Variants in PHACTR2 observed in about 807,000 individuals in gnomAD.
PHACTR2 encodes the protein phosphatase and actin regulator 2.
In PHACTR2, 30 loss-of-function variants were observed where a neutral mutation model predicts 76.0. That is an observed-to-expected ratio of 0.39 (90% CI 0.30 to 0.54). The LOEUF is 0.54. Among genes scored for constraint, PHACTR2 ranks in the 20% least tolerant of loss-of-function variants. The pLI is 0.61. For missense variants in PHACTR2, 696 were observed against 781.1 expected (o/e 0.89, Z 1.30); for synonymous variants, 292 against 292.5 (o/e 1.00, Z 0.02).
chr6:143,649,812 T>C (rs1490513142), intron 1 of PHACTR2, among the ~76,000 whole-genome samples: 1 of 152,182 alleles, frequency 6.6e-6, no homozygotes, highest in African/African-American at 2.4e-5. Context: ...TCACCACTCC[T>C]ATTCAACACA....
Position 143,611,290 on chromosome 6 carries a change from C to A in PHACTR2, c.13+2968C>A, listed in dbSNP as rs1775970819. Among the ~76,000 whole-genome samples the A allele has an allele frequency of 6.6e-6, 1 of 152,288 alleles. No individual in the cohort carries two copies. The highest frequency in any genetic ancestry group is 2.1e-4 in the South Asian group (1 of 4,824). On this transcript the variant is annotated intron_variant, in intron 1 of 11. Transcript: ENST00000305766. The surrounding 1 kb of genome is among the most constrained non-coding windows in gnomAD (Gnocchi z 4.4). ...AGGTGGCAGCTGCTGAGAGCCCCTG[C>A]GCCTTCACCGTGCATTCTAGCTCAG...
In PHACTR2 at chr6:143,697,393, G is replaced by A. The variant is rs1777797700; in HGVS notation, c.47-14623G>A. 6.6e-6 allele frequency among the ~76,000 whole-genome samples: 1 copy of A among 152,164 alleles called. No individual in the cohort carries two copies. Among genetic ancestry groups the A allele is most frequent in the South Asian group, 2.1e-4 (1 of 4,830 alleles). On this transcript the variant is annotated intron_variant, in intron 1 of 12. Coordinates refer to ENST00000440869, the MANE Select transcript of PHACTR2 (RefSeq NM_001100164.2). This position sits in a 1 kb window ranked among gnomAD's most constrained non-coding sequence, Gnocchi z 4.4. ...AGAAGGAAATGTTAACAAAGAGAGT[G>A]CTCTTGAAGAAATTAATTTTCACCA...
intron 1 of PHACTR2, among the ~76,000 whole-genome samples, chr6:143,682,402 G>A (rs144277875): frequency 1.3e-5 from 2 of 152,230 alleles, no homozygotes; most frequent in East Asian, 1.9e-4. Flanking sequence ...TGTTGGTAGA[G>A]ATGGGGTTTT....
chr6:143,706,381 C>A (rs1393724178), intron 1 of PHACTR2, among the ~76,000 whole-genome samples: 1 of 152,194 alleles, frequency 6.6e-6, no homozygotes, highest in Non-Finnish European at 1.5e-5. Flanking sequence ...TGTGTGTAAG[C>A]AAACCCATGC....
rs548733415 is a variant in PHACTR2 at position 143,556,207 on chromosome 6, C to A, written c.217+19000C>A. 1.3e-5 allele frequency among the ~76,000 whole-genome samples: 2 copies of A among 152,142 alleles called. No homozygotes were observed. The highest frequency in any genetic ancestry group is 4.8e-5 in the African/African-American group (2 of 41,426). The stretch of plus-strand genomic sequence containing the variant: ...AGCTTTGATTAGAATTTTGTGATAC[C>A]AGCTACTGTATAATTCGGCCCCAGT... On this transcript the variant is annotated intron_variant, in intron 1 of 11. Coordinates refer to the PHACTR2 transcript ENST00000367584. This position sits in a 1 kb window ranked among gnomAD's most constrained non-coding sequence, Gnocchi z 4.3.
rs370317009 is a variant in PHACTR2 at position 143,646,951 on chromosome 6, T to G, written c.13+38629T>G. Among the ~76,000 whole-genome samples the G allele has an allele frequency of 1.3e-5, 2 of 152,216 alleles. No individual in the cohort carries two copies. The highest frequency in any genetic ancestry group is 1.9e-4 in the East Asian group (1 of 5,200). On this transcript the variant is annotated intron_variant, in intron 1 of 11. Transcript: ENST00000305766. The surrounding 1 kb of genome is among the most constrained non-coding windows in gnomAD (Gnocchi z 4.1). ...TTCTCTATAATCAACATTTCTTAAGTGCCCAGTGAGGTAAGCCTTGCTTCT... is the reference window on the plus strand; with the variant it reads ...TTCTCTATAATCAACATTTCTTAAGGGCCCAGTGAGGTAAGCCTTGCTTCT...
rs577742197 is a variant in PHACTR2, at chr6:143,611,918, A to G, written c.13+3596A>G. 5.9e-5 allele frequency among the ~76,000 whole-genome samples: 9 copies of G among 152,314 alleles called. No homozygotes were observed. Among genetic ancestry groups the G allele is most frequent in the Admixed American group, 2.0e-4 (3 of 15,300 alleles). ...ACGACGAGTGGATATGGAGGCAGGGAGAACTGCAGCAGTCAAAGGAGACCC... is the reference window on the plus strand; with the variant it reads ...ACGACGAGTGGATATGGAGGCAGGGGGAACTGCAGCAGTCAAAGGAGACCC... On this transcript the variant is annotated intron_variant, in intron 1 of 11. Coordinates refer to the PHACTR2 transcript ENST00000305766. This position sits in a 1 kb window ranked among gnomAD's most constrained non-coding sequence, Gnocchi z 4.4.
At chr6:143,769,424 A>G (rs1775039218) in intron 6 of PHACTR2, among the ~76,000 whole-genome samples, 1 of 152,200 alleles carries the variant, frequency 6.6e-6, no homozygotes, top group African/African-American at 2.4e-5. Context: ...TTAACATCAG[A>G]TATAATTTAT....
chr6:143,678,183 C>T lies in PHACTR2; in HGVS notation c.20C>T (p.Ser7Phe), dbSNP rs1343572617. 1 of 1,539,320 alleles carries T rather than the reference C, an allele frequency of 6.5e-7. No homozygotes were observed. The highest frequency in any genetic ancestry group is 2.5e-5 in the East Asian group (1 of 39,716). The change falls in exon 1 of 13, where the codon TCC becomes TTC. Residue 7 changes from serine to phenylalanine, a missense_variant. Ser to Phe is a radical substitution (Grantham distance 155). Transcript: ENST00000440869. This position sits in a 1 kb window ranked among gnomAD's most constrained non-coding sequence, Gnocchi z 6.2. The stretch of plus-strand genomic sequence containing the variant: ...CCAGTCATGGGCCAGACCTCGGTGT[C>T]CACGCTGTCCCCGCAGCCCGGCAGC... MGQTSV[S>F]TLSPQPGSVD... is the part of the protein sequence containing the mutation.
At chr6:143,582,965 A>C (rs1775592147) in intron 1 of PHACTR2, among the ~76,000 whole-genome samples, 1 of 152,236 alleles carries the variant, frequency 6.6e-6, no homozygotes, top group Non-Finnish European at 1.5e-5. Context: ...TAGCTTTCAC[A>C]AATAGAATTT....
intron 1 of PHACTR2, among the ~76,000 whole-genome samples, chr6:143,685,227 A>C (rs1344369746): frequency 1.3e-5 from 2 of 152,084 alleles, no homozygotes; most frequent in Non-Finnish European, 2.9e-5. Context: ...CTAGCTTAAG[A>C]TGAATAGATT....
intron 2 of PHACTR2, among the ~76,000 whole-genome samples, chr6:143,728,216 C>CTTTTTTTTTTTTTTTTTTTTTTCTTT (rs548709835): frequency 2.4e-5 from 2 of 83,744 alleles, no homozygotes; most frequent in African/African-American, 5.2e-5. Context: ...TTTTTTCTTT[C>CTTTTTTTTTTTTTTTTTTTTTTCTTT]TTTTTTTTTT....
rs557969164 is a variant in PHACTR2, at chr6:143,762,600, C to T, written c.694+1960C>T. Among the ~76,000 whole-genome samples the T allele has an allele frequency of 2.0e-5, 3 of 152,296 alleles. No homozygotes were observed. The South Asian group carries it at 6.2e-4, about 32-fold the overall frequency. On this transcript the variant is annotated intron_variant, in intron 5 of 12. Coordinates refer to ENST00000440869, the MANE Select transcript of PHACTR2 (RefSeq NM_001100164.2). ...ATTTGTAACCGTTTAGAACTTTCTG[C>T]ATAGTAACTTTGTTTTATTTGAATA...
In PHACTR2 at chr6:143,787,233, C is replaced by A. The variant is rs775880024; in HGVS notation, c.1708-1540C>A. 5.9e-5 allele frequency among the ~76,000 whole-genome samples: 9 copies of A among 152,228 alleles called. No individual in the cohort carries two copies. The highest frequency in any genetic ancestry group is 2.1e-4 in the South Asian group (1 of 4,834). On this transcript the variant is annotated intron_variant, in intron 10 of 12. Coordinates refer to ENST00000440869, the MANE Select transcript of PHACTR2 (RefSeq NM_001100164.2). The surrounding 1 kb of genome is among the most constrained non-coding windows in gnomAD (Gnocchi z 4.6). The stretch of plus-strand genomic sequence containing the variant: ...CCCATGACTGGGACAGTCCTGAGGA[C>A]AAGACTGGATGGAGAATTTCTAACC...
chr6:143,765,512 C>A lies in PHACTR2; in HGVS notation c.946C>A (p.Leu316Ile), dbSNP rs1238292060. 6 of 1,614,250 alleles carry A rather than the reference C, an allele frequency of 3.7e-6. No homozygotes were observed. The highest frequency in any genetic ancestry group is 5.1e-6 in the Non-Finnish European group (6 of 1,180,050). The change falls in exon 6 of 13, where the codon CTC becomes ATC. Residue 316 changes from leucine (L) to isoleucine (I), a missense_variant. Around this residue, in one of 2 missense-constraint regions of PHACTR2, gnomAD observed 460 missense variants for 450.9 expected, o/e 1.02. Coordinates refer to ENST00000440869, the MANE Select transcript of PHACTR2 (RefSeq NM_001100164.2). This position sits in a 1 kb window ranked among gnomAD's most constrained non-coding sequence, Gnocchi z 4.1. ...AGAGACCAGAGTGGAGAGTTTCAAA[C>A]TCGAACAGACTGTCCCTGGAGCTGA... ...PAETRVESFK[L>I]EQTVPGAEEQ...
chr6:143,741,904 C>T (rs529278899), intron 2 of PHACTR2, among the ~76,000 whole-genome samples: 10 of 152,126 alleles, frequency 6.6e-5, no homozygotes, highest in African/African-American at 2.2e-4. Flanking sequence ...GAGTTCGAGA[C>T]CAGCCTGGCC....
Position 143,578,296 on chromosome 6 carries a change from T to C in PHACTR2, c.217+41089T>C, listed in dbSNP as rs1015823715. Among the ~76,000 whole-genome samples, 2 of 152,212 alleles carry C rather than the reference T, an allele frequency of 1.3e-5. No individual in the cohort carries two copies. The highest frequency in any genetic ancestry group is 1.3e-4 in the Admixed American group (2 of 15,280). ...TGTCAGTGCAATGCCTCATCCTCCA[T>C]GTTTCCCCTTCTAGGATGATCTAGT... On this transcript the variant is annotated intron_variant, in intron 1 of 11. Coordinates refer to the PHACTR2 transcript ENST00000367584. The surrounding 1 kb of genome is among the most constrained non-coding windows in gnomAD (Gnocchi z 4.5).
At chr6:143,670,364 ATTTCCCGAAT>A (rs1199620293) in intron 1 of PHACTR2, among the ~76,000 whole-genome samples, 7 of 152,072 alleles carry the variant, frequency 4.6e-5, no homozygotes, top group Admixed American at 3.3e-4. Flanking sequence ...TGTTCTCTGT[ATTTCCCGAAT>A]TTGAATGTTG....
intron 1 of PHACTR2, among the ~76,000 whole-genome samples, chr6:143,685,950 G>A (rs1777509020): frequency 6.6e-6 from 1 of 152,034 alleles, no homozygotes. Flanking sequence ...TGAACAAAAT[G>A]GTGAAACCCC....
Sources: gnomAD v4.1 joint callset for allele counts (sites outside exome capture counted in the v4.1 genomes callset) on GRCh38, gnomAD v4.1.1 for gene constraint, gnomAD v4.1.1 regional missense constraint, Gnocchi (gnomAD v3.1) non-coding constraint, MANE v1.5 for transcripts, NCBI Gene and HGNC (gene_info 2026-07-23, HGNC 2026-07-21) for gene names.